The following EMCN variants were observed in gnomAD, a reference collection of about 807,000 sequenced individuals.
EMCN encodes the protein endomucin.
Under a neutral mutation model 38.4 loss-of-function variants are expected in EMCN, and 37 were observed. That is an observed-to-expected ratio of 0.96 (90% CI 0.74 to 1.27). EMCN has a LOEUF of 1.27. Among genes scored for constraint, EMCN ranks in the 50% most tolerant of loss-of-function variants. EMCN has a pLI of 0.00. For missense variants in EMCN, 318 were observed against 302.8 expected, an observed-to-expected ratio of 1.05 and a Z score of -0.37; for synonymous variants, 95 against 100.8, an observed-to-expected ratio of 0.94 and a Z score of 0.35.
intron 4 of EMCN, among the ~76,000 whole-genome samples, chr4:100,451,127 T>C (rs1727826193): frequency 6.6e-6 from 1 of 151,912 alleles, no homozygotes. Flanking sequence ...ATTTTATTTA[T>C]TTATTTACAT....
chr4:100,490,180 A>AC (rs1030915908), intron 1 of EMCN, among the ~76,000 whole-genome samples: 1 of 151,536 alleles, frequency 6.6e-6, no homozygotes, highest in African/African-American at 2.4e-5. Flanking sequence ...AAAGTAAAAA[A>AC]AAAAAAAAAG....
At chr4:100,478,477 T>G (rs964661652) in intron 2 of EMCN, among the ~76,000 whole-genome samples, 1 of 152,168 alleles carries the variant, frequency 6.6e-6, no homozygotes, top group Non-Finnish European at 1.5e-5. Context: ...GCATATTTAA[T>G]GTATAGAAGT....
chr4:100,494,350 T>A (rs974186819), intron 1 of EMCN, among the ~76,000 whole-genome samples: 4 of 152,166 alleles, frequency 2.6e-5, no homozygotes, highest in African/African-American at 9.6e-5. Flanking sequence ...CACTGAACAT[T>A]ACAACATAGT....
At chr4:100,480,560 A>T (rs1728779885) in intron 1 of EMCN, among the ~76,000 whole-genome samples, 1 of 146,368 alleles carries the variant, frequency 6.8e-6, no homozygotes, top group South Asian at 2.3e-4. Flanking sequence ...ATACATATAC[A>T]TATATGTGTA....
rs373181317 is a variant in EMCN, at chr4:100,513,538, T to C, written c.64+4313A>G. ...CTTTTAACTATAGGAATGTATCACA[T>C]TGAGTATTTGATACCCAAAAATAAG... On this transcript the variant is annotated intron_variant, in intron 1 of 11. Coordinates refer to ENST00000296420, the MANE Select transcript of EMCN (RefSeq NM_016242.4). 3.3e-5 allele frequency among the ~76,000 whole-genome samples: 5 copies of C among 152,294 alleles called. No individual in the cohort carries two copies. In the East Asian group the frequency reaches 5.8e-4, roughly 18 times the overall value.
chr4:100,501,049 A>G (rs968222189), intron 1 of EMCN, among the ~76,000 whole-genome samples: 5 of 152,206 alleles, frequency 3.3e-5, no homozygotes, highest in Admixed American at 6.5e-5. Context: ...GCATCTTCTG[A>G]TAAATAGAAT....
intron 1 of EMCN, among the ~76,000 whole-genome samples, chr4:100,485,239 T>A (rs1409528231): frequency 6.6e-6 from 1 of 152,172 alleles, no homozygotes; most frequent in African/African-American, 2.4e-5. Flanking sequence ...CAAATTTATA[T>A]GGTCTTCATG....
intron 1 of EMCN, among the ~76,000 whole-genome samples, chr4:100,514,003 C>T (rs557901756): frequency 5.9e-5 from 9 of 152,082 alleles, no homozygotes; most frequent in South Asian, 4.2e-4. Flanking sequence ...GTTAGATATA[C>T]GGGCATCCAG....
chr4:100,508,424 CA>C (rs1008632457), intron 1 of EMCN, among the ~76,000 whole-genome samples: 1 of 152,056 alleles, frequency 6.6e-6, no homozygotes, highest in Non-Finnish European at 1.5e-5. Flanking sequence ...TAATGAATAG[CA>C]TATGTATTAT....
At chr4:100,484,386 T>C (rs1728887940) in intron 1 of EMCN, among the ~76,000 whole-genome samples, 1 of 152,184 alleles carries the variant, frequency 6.6e-6, no homozygotes, top group African/African-American at 2.4e-5. Context: ...ATCTTTGTAA[T>C]TATATTTTTA....
At chr4:100,513,070 T>A (rs764796697) in intron 1 of EMCN, among the ~76,000 whole-genome samples, 1 of 152,190 alleles carries the variant, frequency 6.6e-6, no homozygotes, top group Non-Finnish European at 1.5e-5. Flanking sequence ...TTTTTCTTAG[T>A]TGTCTGGATA....
intron 5 of EMCN, among the ~76,000 whole-genome samples, chr4:100,445,708 C>G (rs1727650426): frequency 6.6e-6 from 1 of 152,002 alleles, no homozygotes; most frequent in Non-Finnish European, 1.5e-5. Flanking sequence ...CTAAAGAAGT[C>G]TTTAATCTGA....
chr4:100,450,936 A>G (rs1333411648), intron 4 of EMCN, among the ~76,000 whole-genome samples: 1 of 151,800 alleles, frequency 6.6e-6, no homozygotes, highest in Non-Finnish European at 1.5e-5. Context: ...TTAATGGGAA[A>G]ATTGTTTCCT....
At chr4:100,459,364 G>T (rs1445682356) in intron 4 of EMCN, among the ~76,000 whole-genome samples, 1 of 151,982 alleles carries the variant, frequency 6.6e-6, no homozygotes, top group Non-Finnish European at 1.5e-5. Context: ...ATTGTGGAAT[G>T]ATTAAATCAA....
At chr4:100,402,946 T>C (rs550114510) in intron 11 of EMCN, among the ~76,000 whole-genome samples, 33 of 152,252 alleles carry the variant, frequency 2.2e-4, no homozygotes, top group African/African-American at 7.0e-4. Flanking sequence ...AAAGCAACCA[T>C]AGCAAGTAGA....
chr4:100,413,309 G>A (rs755964926), intron 10 of EMCN, among the ~76,000 whole-genome samples: 45 of 151,932 alleles, frequency 3.0e-4, no homozygotes, highest in Non-Finnish European at 6.0e-4. Flanking sequence ...TTTTTATATA[G>A]GCAGCAGTAG....
intron 1 of EMCN, among the ~76,000 whole-genome samples, chr4:100,482,325 TGC>T (rs1728831125): frequency 6.6e-6 from 1 of 152,058 alleles, no homozygotes; most frequent in Non-Finnish European, 1.5e-5. Flanking sequence ...TGTGTAAGTC[TGC>T]ACGAAATGTG....
Position 100,422,822 on chromosome 4 carries a change from CTTT to C in EMCN, c.568+196_568+198del, listed in dbSNP as rs71878999. Among the ~76,000 whole-genome samples, 13 of 122,664 alleles carry C rather than the reference CTTT, an allele frequency of 1.1e-4. 1 individual carries two copies. Among genetic ancestry groups the C allele is most frequent in the African/African-American group, 3.0e-4 (11 of 36,442 alleles). 80.5% of individuals were successfully genotyped at this position (122,664 alleles called of 152,430 possible). A position where few individuals can be genotyped will look rare whatever the true frequency, so the allele number is the denominator to read the frequency against. ...TTTTCTTTCTTTCTTTCTTTCTTTTCTTTTTTTTTTTTTTTGTCATTAAGACTC... is the reference window on the plus strand; with the variant it reads ...TTTTCTTTCTTTCTTTCTTTCTTTTCTTTTTTTTTTTTGTCATTAAGACTC... On this transcript the variant is annotated intron_variant, in intron 7 of 11. Transcript: ENST00000296420.
At chr4:100,472,368 T>C (rs1728501021) in intron 3 of EMCN, among the ~76,000 whole-genome samples, 1 of 151,896 alleles carries the variant, frequency 6.6e-6, no homozygotes, top group Admixed American at 6.6e-5. Flanking sequence ...AAAATAATTT[T>C]ATTAAAAGTG....
Sources: allele counts gnomAD v4.1 joint callset (sites outside exome capture counted in the v4.1 genomes callset), GRCh38; gene constraint gnomAD v4.1.1; transcripts MANE v1.5; gene names NCBI Gene and HGNC (gene_info 2026-07-23, HGNC 2026-07-21).